The following ZNF594 variants were observed in gnomAD, a reference collection of about 807,000 sequenced individuals.
The protein encoded by ZNF594 is zinc finger protein HZF18.
For missense variants in ZNF594, 1,037 were observed against 964.6 expected, an observed-to-expected ratio of 1.08 and a Z score of -0.99; for synonymous variants, 336 against 309.4, an observed-to-expected ratio of 1.09 and a Z score of -0.90.
intron 1 of ZNF594, among the ~76,000 whole-genome samples, chr17:5,186,579 GC>G (rs1292301302): frequency 5.3e-5 from 8 of 152,226 alleles, no homozygotes. Flanking sequence ...AATTTCTGCA[GC>G]CTGATTGAAT....
Position 5,182,258 on chromosome 17 carries a change from G to C in ZNF594, c.1999C>G (p.Leu667Val), listed in dbSNP as rs372179602. Residue 667 changes from leucine to valine, a missense_variant, in exon 2 of 2, where the codon CTT (leucine) becomes GTT (valine). By Grantham distance (32) the Leu-to-Val change is conservative (BLOSUM62 1). Coordinates refer to ENST00000575779, the MANE Select transcript of ZNF594 (RefSeq NM_032530.2). Reference sequence around the variant, plus strand: ...GTATGGATTTTCTGGTGTGTAGCAAGGTGTGACCTCTGGCTGAAGGCTTTC... The same window carrying C: ...GTATGGATTTTCTGGTGTGTAGCAACGTGTGACCTCTGGCTGAAGGCTTTC... ...CGKAFSQRSHLATHQKIHTGE... is the reference protein window; with the variant it reads ...CGKAFSQRSHVATHQKIHTGE... The C allele has an allele frequency of 6.2e-7, 1 of 1,613,408 alleles. No individual in the cohort carries two copies.
At position 5,181,833 on chromosome 17, in the gene ZNF594, C is replaced by A. The variant is rs774318978; in HGVS notation, c.2424G>T (p.Ter808TyrextTer12). ...QSELRPSETS* is the reference protein window; with the variant it reads ...QSELRPSETSY ...GTAAGGTTTTTCTCCACTGTGAATTCTATGATGTCTCAGAAGGTCTGAGCT... is the reference window on the plus strand; with the variant it reads ...GTAAGGTTTTTCTCCACTGTGAATTATATGATGTCTCAGAAGGTCTGAGCT... Residue 808 changes from the stop codon to tyrosine, a stop_lost, in exon 2 of 2, where the codon TAG becomes TAT. Transcript: ENST00000575779. The A allele has an allele frequency of 6.2e-7, 1 of 1,614,014 alleles. No individual in the cohort carries two copies. Among genetic ancestry groups the A allele is most frequent in the South Asian group, 1.1e-5 (1 of 91,070 alleles).
In ZNF594 at chr17:5,183,979, G is replaced by GAA; in HGVS notation, c.276_277dup (p.Ser93PhefsTer23). The GAA allele has an allele frequency of 6.2e-7, 1 of 1,614,094 alleles. No homozygotes were observed. Among genetic ancestry groups the GAA allele is most frequent in the South Asian group, 1.1e-5 (1 of 91,086 alleles). On this transcript the variant is annotated frameshift_variant, in exon 2 of 2. Coordinates refer to ENST00000575779, the MANE Select transcript of ZNF594 (RefSeq NM_032530.2). LOFTEE classifies it low-confidence loss of function (END_TRUNC). ...ATATCTATGGGAGCTTTCTCCTGCA[G>GAA]AAAGTATTTTTTCTCCTTCATTACA...
intron 1 of ZNF594, among the ~76,000 whole-genome samples, chr17:5,188,938 G>A (rs558614425): frequency 2.1e-4 from 32 of 151,768 alleles, no homozygotes; most frequent in African/African-American, 7.0e-4. Context: ...TAGTAGAGAC[G>A]GGGTTTCACC....
intron 1 of ZNF594, among the ~76,000 whole-genome samples, chr17:5,190,206 T>G (rs2074412488): frequency 6.6e-6 from 1 of 152,062 alleles, no homozygotes; most frequent in East Asian, 1.9e-4. Context: ...CTGTGTCTAC[T>G]AAAAATACAA....
chr17:5,181,041 T>C lies in ZNF594; in HGVS notation c.*792A>G. On this transcript the variant is annotated 3_prime_UTR_variant, in exon 2 of 2. Transcript: ENST00000575779. ...AAAAGCTGTCCACCCACTGAAGGCC[T>C]TACCACAGTTGCTACATTCAAAGGG... is the stretch of plus-strand genomic sequence containing the variant. 2 of 1,089,428 alleles carry C rather than the reference T, an allele frequency of 1.8e-6. No homozygotes were observed. The highest frequency in any genetic ancestry group is 3.6e-5 in the Admixed American group (2 of 55,984). 67.5% of individuals were successfully genotyped at this position (1,089,428 alleles called of 1,614,324 possible).
At chr17:5,185,692 C>A (rs2074381706) in intron 1 of ZNF594, among the ~76,000 whole-genome samples, 1 of 152,150 alleles carries the variant, frequency 6.6e-6, no homozygotes, top group Admixed American at 6.6e-5. Context: ...CCTGTAAAAT[C>A]AAAAGCAAGC....
downstream of ZNF594, among the ~76,000 whole-genome samples, chr17:5,176,170 C>T (rs1037856221): frequency 3.9e-5 from 6 of 152,098 alleles, no homozygotes; most frequent in Admixed American, 1.3e-4. Context: ...CCAAGGCAGG[C>T]GGATCACCTA....
At chr17:5,184,453 C>T (rs1335468791) in intron 1 of ZNF594, 177 bp from the exon 2 acceptor site, 14 of 677,210 alleles carry the variant, frequency 2.1e-5, no homozygotes, top group Non-Finnish European at 1.2e-5. Context: ...CTACCACATA[C>T]CCTGTTGGTG....
Position 5,182,328 on chromosome 17 carries a change from A to G in ZNF594, c.1929T>C (p.His643=). ...FRGSSDLIKH[H]RIHTGEKPYE... ...AGGGTTTCTCTCCAGTATGAATACG[A>G]TGGTGTTTAATAAGATCTGAGCTAC... is the stretch of plus-strand genomic sequence containing the variant. The change falls in exon 2 of 2, where the codon CAT becomes CAC. Residue 643 remains histidine (H), a synonymous_variant. Coordinates refer to ENST00000575779, the MANE Select transcript of ZNF594 (RefSeq NM_032530.2). The G allele has an allele frequency of 6.2e-7, 1 of 1,613,012 alleles. No individual in the cohort carries two copies. The highest frequency in any genetic ancestry group is 1.1e-5 in the South Asian group (1 of 91,056).
downstream of ZNF594, among the ~76,000 whole-genome samples, chr17:5,177,153 A>G (rs986201415): frequency 6.3e-4 from 95 of 151,246 alleles, no homozygotes; most frequent in African/African-American, 2.2e-3. Context: ...CCGAGATCGC[A>G]CCACTGCACT....
At chr17:5,189,094 CAAA>C (rs919241645) in intron 1 of ZNF594, among the ~76,000 whole-genome samples, 2 of 134,138 alleles carry the variant, frequency 1.5e-5, no homozygotes, top group Non-Finnish European at 1.6e-5. Flanking sequence ...GTCATGTAGC[CAAA>C]AAAAAAAAGA....
chr17:5,189,809 T>C (rs2074409923), intron 1 of ZNF594, among the ~76,000 whole-genome samples: 1 of 152,160 alleles, frequency 6.6e-6, no homozygotes, highest in Non-Finnish European at 1.5e-5. Context: ...TGAGCCACCA[T>C]GCCTGGCCAA....
intron 1 of ZNF594, among the ~76,000 whole-genome samples, chr17:5,189,054 T>C (rs1301117466): frequency 2.7e-5 from 4 of 150,758 alleles, no homozygotes; most frequent in Non-Finnish European, 5.9e-5. Flanking sequence ...GCCAAAAATT[T>C]GACATTTTTA....
Position 5,182,848 on chromosome 17 carries a change from C to G in ZNF594, c.1409G>C (p.Ser470Thr). 1 of 1,614,060 alleles carries G rather than the reference C, an allele frequency of 6.2e-7. No individual in the cohort carries two copies. The highest frequency in any genetic ancestry group is 8.5e-7 in the Non-Finnish European group (1 of 1,180,020). ...GTGTGTAACAAGGTGTGACCTCTGG[C>G]TAAAGGCTTTCCCACATTCACTACA... The part of the protein sequence containing the change: ...YECSECGKAF[S>T]QRSHLVTHQK... Residue 470 changes from serine to threonine, a missense_variant, in exon 2 of 2, where the codon AGC becomes ACC. By Grantham distance (58) the Ser-to-Thr change is moderately conservative (BLOSUM62 1). Coordinates refer to ENST00000575779, the MANE Select transcript of ZNF594 (RefSeq NM_032530.2).
At chr17:5,190,146 T>C (rs1411838149) in intron 1 of ZNF594, among the ~76,000 whole-genome samples, 1 of 151,954 alleles carries the variant, frequency 6.6e-6, no homozygotes, top group African/African-American at 2.4e-5. Context: ...GCAGGCAGAG[T>C]ACCAGAGGTT....
At chr17:5,175,492 G>A (rs2074301094), downstream of ZNF594, among the ~76,000 whole-genome samples, 1 of 152,124 alleles carries the variant, frequency 6.6e-6, no homozygotes, top group African/African-American at 2.4e-5. Flanking sequence ...TGCCAAAAAG[G>A]TTGGCAACCA....
intron 1 of ZNF594, chr17:5,191,317 T>C (rs1449958566): frequency 1.3e-5 from 2 of 152,214 alleles, no homozygotes; most frequent in African/African-American, 2.4e-5. Flanking sequence ...TATTTTAGAC[T>C]GAGTAGTAGA....
intron 1 of ZNF594, among the ~76,000 whole-genome samples, chr17:5,189,914 G>A (rs570363561): frequency 6.6e-6 from 1 of 152,280 alleles, no homozygotes; most frequent in Admixed American, 6.5e-5. Context: ...GCATTATGTA[G>A]ATGAAATTCA....
Sources: gnomAD v4.1 joint callset for allele counts (sites outside exome capture counted in the v4.1 genomes callset) on GRCh38, gnomAD v4.1.1 for gene constraint, MANE v1.5 for transcripts, NCBI Gene and HGNC (gene_info 2026-07-23, HGNC 2026-07-21) for gene names.